KLF15: variants seen among roughly 807,000 people sequenced by gnomAD.
KLF15 encodes the protein Krueppel-like factor 15.
KLF15 carries 4 observed loss-of-function variants against 24.6 expected under a neutral mutation model. That is an observed-to-expected ratio of 0.16 (90% CI 0.08 to 0.37). KLF15 has a LOEUF of 0.37. Ranked by LOEUF, KLF15 falls within the 10% of genes least tolerant of loss-of-function variation. The probability of loss-of-function intolerance (pLI) is 1.00; values close to 1 mark genes in which losing one functional copy is unlikely to be tolerated. For synonymous variants in KLF15, 246 were observed against 236.3 expected (o/e 1.04, Z -0.37); for missense variants, 496 against 560.6 (o/e 0.88, Z 1.16).
At chr3:126,308,835 G>C in the KLF15 span, among the ~76,000 whole-genome samples, 2 of 152,216 alleles carry the variant, frequency 1.3e-5, no homozygotes, top group East Asian at 3.9e-4. Context: ...TGTGCAGACA[G>C]AGAAGGACAG....
the KLF15 span, among the ~76,000 whole-genome samples, chr3:126,320,030 G>T: frequency 6.6e-6 from 1 of 152,204 alleles, no homozygotes; most frequent in Non-Finnish European, 1.5e-5. Flanking sequence ...GGAGCAGGGG[G>T]ATCAGTGTAG....
At chr3:126,290,485 T>G in the KLF15 span, among the ~76,000 whole-genome samples, 11 of 150,142 alleles carry the variant, frequency 7.3e-5, no homozygotes, top group Non-Finnish European at 1.3e-4. Flanking sequence ...TGCCCCTTCC[T>G]TCCTTCCTTT....
chr3:126,310,611 A>G, the KLF15 span, among the ~76,000 whole-genome samples: 1 of 152,218 alleles, frequency 6.6e-6, no homozygotes, highest in Middle Eastern at 3.4e-3. Context: ...AAGATGCCGC[A>G]GGGTAGGTTT....
chr3:126,305,305 T>A, the KLF15 span, among the ~76,000 whole-genome samples: 1 of 152,192 alleles, frequency 6.6e-6, no homozygotes, highest in Admixed American at 6.5e-5. Flanking sequence ...TAAACAAGAA[T>A]CACAGAGGCA....
At chr3:126,309,828 G>A in the KLF15 span, among the ~76,000 whole-genome samples, 1 of 152,204 alleles carries the variant, frequency 6.6e-6, no homozygotes, top group Admixed American at 6.5e-5. Flanking sequence ...AGTGCTCAGA[G>A]AACAAAACCC....
the KLF15 span, among the ~76,000 whole-genome samples, chr3:126,319,096 T>C: frequency 6.6e-6 from 1 of 152,234 alleles, no homozygotes; most frequent in Non-Finnish European, 1.5e-5. Flanking sequence ...AGCATTTAAA[T>C]TTCTTCCATG....
intron 2 of KLF15, among the ~76,000 whole-genome samples, chr3:126,351,630 T>C (rs1382833061): frequency 1.3e-5 from 2 of 152,196 alleles, no homozygotes; most frequent in Non-Finnish European, 2.9e-5. Flanking sequence ...ATCAGGAAAC[T>C]GGACACCAGT....
the KLF15 span, among the ~76,000 whole-genome samples, chr3:126,320,079 G>A: frequency 6.6e-6 from 1 of 152,110 alleles, no homozygotes. Context: ...TCCAAGGATC[G>A]CACCTTCCTA....
the KLF15 span, among the ~76,000 whole-genome samples, chr3:126,318,023 C>T: frequency 6.6e-6 from 1 of 152,072 alleles, no homozygotes; most frequent in Non-Finnish European, 1.5e-5. Flanking sequence ...TCCATGCTGG[C>T]TCTCTGTGTT....
the KLF15 span, among the ~76,000 whole-genome samples, chr3:126,289,604 T>A: frequency 6.6e-6 from 1 of 152,238 alleles, no homozygotes; most frequent in Admixed American, 6.5e-5. Flanking sequence ...ATTTCTCACT[T>A]CTTCTCTCCT....
At chr3:126,321,766 G>A in the KLF15 span, among the ~76,000 whole-genome samples, 1 of 152,224 alleles carries the variant, frequency 6.6e-6, no homozygotes, top group Non-Finnish European at 1.5e-5. Flanking sequence ...CCCGCTGGAT[G>A]TCTGGGTGGG....
At chr3:126,331,456 C>T in the KLF15 span, among the ~76,000 whole-genome samples, 1 of 152,194 alleles carries the variant, frequency 6.6e-6, no homozygotes, top group Admixed American at 6.5e-5. Flanking sequence ...ATTTAATGAC[C>T]TGTGAATGAA....
chr3:126,343,469 C>T lies in KLF15; in HGVS notation c.*258G>A, dbSNP rs1006805561. ...GAGGCCTGGCCACCGCGGGAAGGCA[C>T]GAAGGCACGAAGGCACGAAGGCCTG... On this transcript the variant is annotated 3_prime_UTR_variant, in exon 3 of 3. Transcript: ENST00000296233. 2.2e-6 allele frequency: 1 copy of T among 451,890 alleles called. No homozygotes were observed. The highest frequency in any genetic ancestry group is 3.9e-6 in the Non-Finnish European group (1 of 256,720). The allele number at this position is 451,890 out of a possible 1,614,324, so 28.0% of individuals were successfully genotyped here. A position where few individuals can be genotyped will look rare whatever the true frequency, so the allele number is the denominator to read the frequency against.
At chr3:126,301,787 G>GT in the KLF15 span, among the ~76,000 whole-genome samples, 16 of 151,408 alleles carry the variant, frequency 1.1e-4, no homozygotes, top group African/African-American at 1.7e-4. Context: ...GCTAATTTTT[G>GT]TTTTTTTAGT....
At chr3:126,348,640 G>A (rs565972973) in intron 2 of KLF15, among the ~76,000 whole-genome samples, 4 of 152,336 alleles carry the variant, frequency 2.6e-5, no homozygotes, top group Non-Finnish European at 5.9e-5. Flanking sequence ...GAGCTAATGC[G>A]AAAACCTTAA....
At chr3:126,323,500 ATAACT>A in the KLF15 span, among the ~76,000 whole-genome samples, 41 of 100,132 alleles carry the variant, frequency 4.1e-4, 1 homozygote, top group African/African-American at 1.5e-3. Context: ...ATATATATAT[ATAACT>A]ACTATATAAC....
the KLF15 span, among the ~76,000 whole-genome samples, chr3:126,330,902 G>A: frequency 2.0e-5 from 3 of 152,204 alleles, no homozygotes; most frequent in Admixed American, 6.5e-5. Flanking sequence ...CTGAAAGAAT[G>A]AGAACATCTC....
chr3:126,296,739 G>C, the KLF15 span, among the ~76,000 whole-genome samples: 45 of 152,238 alleles, frequency 3.0e-4, no homozygotes, highest in African/African-American at 1.0e-3. Context: ...TGTTCTGAAG[G>C]GAATACAAAT....
the KLF15 span, among the ~76,000 whole-genome samples, chr3:126,314,160 T>C: frequency 6.6e-6 from 1 of 151,934 alleles, no homozygotes; most frequent in Admixed American, 6.6e-5. Context: ...GAGGGACTCA[T>C]CCTCACAAGG....
Sources: gnomAD v4.1 joint callset for allele counts (sites outside exome capture counted in the v4.1 genomes callset) on GRCh38, gnomAD v4.1.1 for gene constraint, MANE v1.5 for transcripts, NCBI Gene and HGNC (gene_info 2026-07-23, HGNC 2026-07-21) for gene names.